Variants in TANK observed in about 807,000 individuals in gnomAD.
TANK encodes the protein TRAF family member-associated NF-kappa-B activator.
In TANK, 15 loss-of-function variants were observed where a neutral mutation model predicts 43.6. The observed-to-expected ratio is 0.34, with a 90% CI of 0.23 to 0.53. The LOEUF is 0.53. Ranked by LOEUF, TANK falls within the 20% of genes least tolerant of loss-of-function variation. The pLI, the probability that TANK is intolerant of heterozygous loss-of-function variation, is 0.94. For missense variants in TANK, 417 were observed against 498.6 expected (o/e 0.84, Z 1.56); for synonymous variants, 162 against 178.2 (o/e 0.91, Z 0.73).
Position 161,165,027 on chromosome 2 carries a change from T to C in TANK, c.-50+4541T>C, listed in dbSNP as rs536545553. 7.6e-5 allele frequency among the ~76,000 whole-genome samples: 11 copies of C among 145,640 alleles called. No homozygotes were observed. The South Asian group carries it at 2.2e-3, about 29-fold the overall frequency. ...ACTAGTGATCTATAATAGCTTTTAC[T>C]TAACACCAATACTTTTTTTTTTTTT... On this transcript the variant is annotated intron_variant, in intron 1 of 7. Coordinates refer to ENST00000392749, the MANE Select transcript of TANK (RefSeq NM_001199135.3).
intron 2 of TANK, among the ~76,000 whole-genome samples, chr2:161,182,314 C>G (rs1448724006): frequency 6.6e-6 from 1 of 152,054 alleles, no homozygotes. Flanking sequence ...GTAAAGGGCT[C>G]AGTCCCACAA....
rs145398955 is a variant in TANK, at chr2:161,204,719, A to C, written c.253A>C (p.Arg85=). ...TCCTCTGCTTGAAGACAGTGAAACA[A>C]GAAAGAATAATTTGACTCTTGATCA... ...CVPLLEDSET[R]KNNLTLDQPQ... Residue 85 remains arginine, a synonymous_variant, in exon 4 of 8, where the codon AGA becomes CGA. Coordinates refer to ENST00000392749, the MANE Select transcript of TANK (RefSeq NM_001199135.3). The C allele has an allele frequency of 4.2e-4, 680 of 1,609,894 alleles. No homozygotes were observed. Among genetic ancestry groups the C allele is most frequent in the Non-Finnish European group, 5.5e-4 (649 of 1,178,626 alleles).
chr2:161,182,857 C>G (rs571898828), intron 2 of TANK, among the ~76,000 whole-genome samples: 27 of 152,282 alleles, frequency 1.8e-4, no homozygotes, highest in Middle Eastern at 6.8e-3. Context: ...AAGACCCTCT[C>G]TGGAATGAAG....
chr2:161,211,984 A>G (rs1314653807), intron 4 of TANK: 1 of 945,024 alleles, frequency 1.1e-6, no homozygotes, highest in Non-Finnish European at 1.3e-6. Context: ...TAGAATGTTA[A>G]TTAGAAAGGA....
intron 4 of TANK, among the ~76,000 whole-genome samples, chr2:161,217,134 G>A (rs921774910): frequency 2.0e-5 from 3 of 152,292 alleles, no homozygotes; most frequent in South Asian, 4.1e-4. Flanking sequence ...GAGTGGTGAA[G>A]GGTATTGGTA....
chr2:161,160,636 T>TGG, intron 1 of TANK, 150 bp downstream of exon 1: 1 of 628,718 alleles, frequency 1.6e-6, no homozygotes, highest in Admixed American at 3.4e-5. Context: ...ATTTGCAGTT[T>TGG]GGGGAGGGAT....
At chr2:161,172,588 T>C (rs1303920139) in intron 1 of TANK, among the ~76,000 whole-genome samples, 1 of 152,156 alleles carries the variant, frequency 6.6e-6, no homozygotes, top group Non-Finnish European at 1.5e-5. Context: ...ATCTTCCCTC[T>C]CCTCCTGAAA....
At position 161,235,357 on chromosome 2, in the gene TANK, T is replaced by C; in HGVS notation, c.1117T>C (p.Phe373Leu). The C allele has an allele frequency of 1.3e-6, 2 of 1,598,006 alleles. No homozygotes were observed. The highest frequency in any genetic ancestry group is 1.7e-6 in the Non-Finnish European group (2 of 1,172,542). Residue 373 changes from phenylalanine to leucine, a missense_variant, in exon 8 of 8, where the codon TTT (phenylalanine) becomes CTT (leucine). Coordinates refer to ENST00000392749, the MANE Select transcript of TANK (RefSeq NM_001199135.3). ...RGPQQPIWKP[F>L]PNQDSDSVVL... ...TTTCCTGCAGCCCATTTGGAAGCCC[T>C]TTCCTAATCAAGACAGTGACTCGGT...
intron 2 of TANK, among the ~76,000 whole-genome samples, chr2:161,199,171 G>A (rs895156245): frequency 2.6e-5 from 4 of 151,968 alleles, no homozygotes; most frequent in African/African-American, 4.8e-5. Flanking sequence ...TGGTAGCCAC[G>A]CAAATCCTTT....
chr2:161,175,737 A>G (rs965543354), intron 1 of TANK, among the ~76,000 whole-genome samples: 3 of 152,138 alleles, frequency 2.0e-5, no homozygotes, highest in African/African-American at 7.2e-5. Flanking sequence ...CAGGCACACC[A>G]TGGGCAATCA....
intron 1 of TANK, among the ~76,000 whole-genome samples, chr2:161,144,345 G>A (rs1350158575): frequency 6.6e-6 from 1 of 152,084 alleles, no homozygotes; most frequent in Non-Finnish European, 1.5e-5. Flanking sequence ...CTTGTCTTCT[G>A]CTAGGTTTTG....
chr2:161,235,195 G>A, intron 7 of TANK, 147 bp from the exon 8 acceptor site: 1 of 609,502 alleles, frequency 1.6e-6, no homozygotes. Context: ...GTCATGTCAT[G>A]CTAACTTTAC....
chr2:161,149,998 T>C (rs1358601288), intron 1 of TANK, among the ~76,000 whole-genome samples: 2 of 152,176 alleles, frequency 1.3e-5, no homozygotes, highest in Non-Finnish European at 2.9e-5. Context: ...GCTAGCCCCA[T>C]AGAACGAGTT....
intron 2 of TANK, among the ~76,000 whole-genome samples, chr2:161,198,243 G>A (rs534286077): frequency 1.3e-5 from 2 of 152,318 alleles, no homozygotes; most frequent in South Asian, 4.1e-4. Flanking sequence ...AAACACCTCA[G>A]ATAAACAACA....
chr2:161,180,103 A>T, intron 2 of TANK: 1 of 1,006,730 alleles, frequency 9.9e-7, no homozygotes, highest in Non-Finnish European at 1.2e-6. Flanking sequence ...CACTGTCTCC[A>T]TTTGTTTGGT....
upstream of TANK, among the ~76,000 whole-genome samples, chr2:161,155,849 A>G (rs1300389552): frequency 6.6e-6 from 1 of 152,196 alleles, no homozygotes; most frequent in African/African-American, 2.4e-5. Context: ...TCTTGTATGT[A>G]TGTCACCCAG....
chr2:161,154,052 C>G (rs549856460), intron 1 of TANK, among the ~76,000 whole-genome samples: 1 of 152,144 alleles, frequency 6.6e-6, no homozygotes, highest in Admixed American at 6.5e-5. Context: ...TCATAATGGC[C>G]ATCCTAAGCT....
intron 4 of TANK, among the ~76,000 whole-genome samples, chr2:161,219,131 A>G (rs1225338641): frequency 6.6e-6 from 1 of 152,270 alleles, no homozygotes; most frequent in African/African-American, 2.4e-5. Flanking sequence ...GAAGACAGAT[A>G]GTAGAAAAGT....
chr2:161,224,648 C>G lies in TANK; in HGVS notation c.422C>G (p.Thr141Ser). The G allele has an allele frequency of 6.4e-7, 1 of 1,571,110 alleles. No homozygotes were observed. The highest frequency in any genetic ancestry group is 8.6e-7 in the Non-Finnish European group (1 of 1,156,246). Residue 141 changes from threonine (T) to serine (S), a missense_variant, in exon 6 of 8, where the codon ACT (threonine) becomes AGT (serine). Thr to Ser is a moderately conservative substitution (Grantham distance 58, BLOSUM62 1). Coordinates refer to ENST00000392749, the MANE Select transcript of TANK (RefSeq NM_001199135.3). ...LLHERGNIEKTFWDLKEEFHK... is the reference protein window; with the variant it reads ...LLHERGNIEKSFWDLKEEFHK... ...TTTTTTAGGGGTAATATAGAGAAGA[C>G]TTTCTGGGATCTGAAAGAAGAATTT...
Sources: allele counts gnomAD v4.1 joint callset (sites outside exome capture counted in the v4.1 genomes callset), GRCh38; gene constraint gnomAD v4.1.1; transcripts MANE v1.5; gene names NCBI Gene and HGNC (gene_info 2026-07-23, HGNC 2026-07-21).